The following MYH10 variants were observed in gnomAD, a reference collection of about 807,000 sequenced individuals.
The protein encoded by MYH10 is myosin-10.
MYH10 carries 55 observed loss-of-function variants against 257.8 expected under a neutral mutation model. The ratio of observed to expected loss-of-function variants is 0.21; its 90% CI spans 0.17 to 0.27. The LOEUF (loss-of-function observed/expected upper bound fraction) is 0.27, where lower values mean the gene tolerates loss of function less well. Ranked by LOEUF, MYH10 falls within the 10% of genes least tolerant of loss-of-function variation. The pLI, the probability that MYH10 is intolerant of heterozygous loss-of-function variation, is 1.00. For synonymous variants in MYH10, 854 were observed against 921.7 expected, an observed-to-expected ratio of 0.93 and a Z score of 1.33; for missense variants, 1,631 against 2,500.6, an observed-to-expected ratio of 0.65 and a Z score of 7.42.
rs550083054 is a variant in MYH10 at position 8,559,918 on chromosome 17, G to A, written c.757-5900C>T. On this transcript the variant is annotated intron_variant, in intron 7 of 42. Coordinates refer to ENST00000360416, the MANE Select transcript of MYH10 (RefSeq NM_001256012.3). ...CTATTTTAAGAGACAGTAGTCAAAA[G>A]GCAATGTTATTACCACAGAGCTGCT... 2.0e-5 allele frequency among the ~76,000 whole-genome samples: 3 copies of A among 152,276 alleles called. No homozygotes were observed. In the South Asian group the frequency reaches 6.2e-4, roughly 32 times the overall value.
intron 13 of MYH10, 99 bp from the exon 14 acceptor site, chr17:8,542,379 A>G (rs1316633823): frequency 2.0e-6 from 2 of 1,015,246 alleles, no homozygotes; most frequent in Non-Finnish European, 2.9e-6. Context: ...ATTAAACATT[A>G]CTAATTAGGT....
chr17:8,493,992 G>C lies in MYH10; in HGVS notation c.4057-107C>G, dbSNP rs796638618. On this transcript the variant is annotated intron_variant, in intron 31 of 42. Coordinates refer to ENST00000360416, the MANE Select transcript of MYH10 (RefSeq NM_001256012.3). ...TACAAAAGAGACAGCCTCAATGCAT[G>C]AGAACGCCCAGTGACATTAACAAAC... 2.4e-5 allele frequency: 30 copies of C among 1,268,354 alleles called. 1 individual carries two copies. The African/African-American group carries it at 4.3e-4, about 18-fold the overall frequency. The allele number at this position is 1,268,354 out of a possible 1,614,324, so 78.6% of individuals were successfully genotyped here.
chr17:8,538,354 C>T (rs933247406), intron 14 of MYH10, among the ~76,000 whole-genome samples: 2 of 152,134 alleles, frequency 1.3e-5, no homozygotes, highest in African/African-American at 4.8e-5. Context: ...TACAGACAAC[C>T]GCCACGACGC....
intron 7 of MYH10, among the ~76,000 whole-genome samples, chr17:8,559,317 A>G (rs2082909131): frequency 6.6e-6 from 1 of 152,160 alleles, no homozygotes; most frequent in Non-Finnish European, 1.5e-5. Flanking sequence ...CTGATTTTTC[A>G]ACTATGTTCA....
In MYH10 at chr17:8,552,094, A is replaced by G; in HGVS notation, c.871T>C (p.Phe291Leu). The G allele has an allele frequency of 6.4e-7, 1 of 1,563,634 alleles. No homozygotes were observed. The highest frequency in any genetic ancestry group is 8.7e-7 in the Non-Finnish European group (1 of 1,150,552). Residue 291 changes from phenylalanine (F) to leucine (L), a missense_variant, in exon 9 of 43, where the codon TTT becomes CTT. This residue lies in a region of MYH10 where 360 missense variants were observed against 581.9 expected (regional missense o/e 0.62). Coordinates refer to ENST00000360416, the MANE Select transcript of MYH10 (RefSeq NM_001256012.3). This position sits in a 1 kb window ranked among gnomAD's most constrained non-coding sequence, Gnocchi z 4.8. ...AVRQAKDERT[F>L]HIFYQLLSGA... ...GATAACAACTGGTAAAAGATATGAAAAGTACGTTCATCTTTTGCTTGACGA... is the reference window on the plus strand; with the variant it reads ...GATAACAACTGGTAAAAGATATGAAGAGTACGTTCATCTTTTGCTTGACGA...
chr17:8,533,859 A>G (rs185825103), intron 16 of MYH10, among the ~76,000 whole-genome samples: 12 of 152,202 alleles, frequency 7.9e-5, no homozygotes, highest in East Asian at 5.8e-4. Context: ...ACATGGGGAG[A>G]CTTTGTAACC....
rs2081080844 is a variant in MYH10 at position 8,506,607 on chromosome 17, G to T, written c.3215-118C>A. The stretch of plus-strand genomic sequence containing the variant: ...CCATTTTATTCAAAAGCATGTCACT[G>T]CCCTGATGACATGGTCATGCGCTGA... On this transcript the variant is annotated intron_variant, in intron 26 of 42. Transcript: ENST00000360416. This position sits in a 1 kb window ranked among gnomAD's most constrained non-coding sequence, Gnocchi z 5.0. 1.9e-6 allele frequency: 2 copies of T among 1,052,046 alleles called. No homozygotes were observed. Among genetic ancestry groups the T allele is most frequent in the Non-Finnish European group, 1.4e-6 (1 of 716,338 alleles). 65.2% of individuals were successfully genotyped at this position (1,052,046 alleles called of 1,614,324 possible). A position where few individuals can be genotyped will look rare whatever the true frequency, so the allele number is the denominator to read the frequency against.
At chr17:8,585,282 G>GTATATATATATATATA (rs1312166648) in intron 4 of MYH10, among the ~76,000 whole-genome samples, 1 of 6,758 alleles carries the variant, frequency 1.5e-4, no homozygotes, top group Non-Finnish European at 1.2e-3. Context: ...GTGCATGTGT[G>GTATATATATATATATA]TGTGTGTATA....
intron 2 of MYH10, among the ~76,000 whole-genome samples, chr17:8,609,753 A>AAGAAAAAT (rs1195532615): frequency 4.1e-4 from 63 of 152,278 alleles, no homozygotes; most frequent in African/African-American, 1.4e-3. Flanking sequence ...ATCCTTCTTA[A>AAGAAAAAT]AGAAAAATAG....
rs765325286 is a variant in MYH10, at chr17:8,480,260, T to C, written c.5447A>G (p.Asn1816Ser). 6 of 1,614,074 alleles carry C rather than the reference T, an allele frequency of 3.7e-6. No homozygotes were observed. The highest frequency in any genetic ancestry group is 4.5e-5 in the East Asian group (2 of 44,882). ...AERSAAQKSD[N>S]ARQQLERQNK... ...CTGCCGCTCCAGTTGCTGGCGTGCA[T>C]TGTCACTCTTCTGGGCGGCGCTGCG... is the stretch of plus-strand genomic sequence containing the variant. Residue 1816 changes from asparagine (N) to serine (S), a missense_variant, in exon 40 of 43, where the codon AAT (asparagine) becomes AGT (serine). Physicochemically the swap from Asn to Ser is conservative, Grantham distance 46 (BLOSUM62 1). Coordinates refer to ENST00000360416, the MANE Select transcript of MYH10 (RefSeq NM_001256012.3).
intron 2 of MYH10, among the ~76,000 whole-genome samples, chr17:8,607,519 A>G (rs961361674): frequency 6.6e-6 from 1 of 152,224 alleles, no homozygotes; most frequent in Non-Finnish European, 1.5e-5. Context: ...AATGCTTAAG[A>G]AGGAACATTA....
At chr17:8,597,653 G>A (rs1363449758) in intron 3 of MYH10, among the ~76,000 whole-genome samples, 2 of 138,496 alleles carry the variant, frequency 1.4e-5, no homozygotes, top group Non-Finnish European at 3.0e-5. Flanking sequence ...TCTCACTGTC[G>A]CCTGTGCTAG....
intron 30 of MYH10, among the ~76,000 whole-genome samples, chr17:8,496,629 A>G (rs1405156375): frequency 1.3e-5 from 2 of 152,182 alleles, no homozygotes; most frequent in African/African-American, 4.8e-5. Flanking sequence ...CAGAGTTCAT[A>G]ATGCTGTTTC....
At chr17:8,585,072 G>A (rs62062512) in intron 4 of MYH10, among the ~76,000 whole-genome samples, 6,681 of 151,652 alleles carry the variant, frequency 0.044, 190 homozygotes, top group South Asian at 0.079. Flanking sequence ...CGAACTCCCA[G>A]CCTCAGGTGA....
chr17:8,587,567 C>T lies in MYH10; in HGVS notation c.530+1514G>A, dbSNP rs1246660515. Among the ~76,000 whole-genome samples, 4 of 152,042 alleles carry T rather than the reference C, an allele frequency of 2.6e-5. No individual in the cohort carries two copies. The South Asian group carries it at 6.2e-4, about 24-fold the overall frequency. On this transcript the variant is annotated intron_variant, in intron 4 of 42. Coordinates refer to ENST00000360416, the MANE Select transcript of MYH10 (RefSeq NM_001256012.3). ...TTGGTACTCATCTGCCTCCTTGGCC[C>T]GTCACTGGAGAAGAGTCGCGCCCCC... is the stretch of plus-strand genomic sequence containing the variant.
At chr17:8,613,847 A>G (rs547699422) in intron 2 of MYH10, among the ~76,000 whole-genome samples, 1 of 152,326 alleles carries the variant, frequency 6.6e-6, no homozygotes, top group African/African-American at 2.4e-5. Context: ...AGGCACAGAA[A>G]AGCTGAAAGT....
At chr17:8,582,587 C>T (rs2083749640) in intron 4 of MYH10, among the ~76,000 whole-genome samples, 1 of 152,210 alleles carries the variant, frequency 6.6e-6, no homozygotes, top group South Asian at 2.1e-4. Context: ...AGGTGTCCTG[C>T]ATCTGTTGAA....
In MYH10 at chr17:8,623,223, C is replaced by G. The variant is rs751196957; in HGVS notation, c.24G>C (p.Glu8Asp). MAQRTGL[E>D]DPERYLFVDR... is the part of the protein sequence containing the mutation. Reference sequence around the variant, plus strand: ...CCACAAAGAGATACCTCTCTGGATCCTCGAGTCCAGTTCTCTGCGCCATTG... The same window carrying G: ...CCACAAAGAGATACCTCTCTGGATCGTCGAGTCCAGTTCTCTGCGCCATTG... Residue 8 changes from glutamate (E) to aspartate (D), a missense_variant, in exon 2 of 43, where the codon GAG (glutamate) becomes GAC (aspartate). Glu to Asp is a conservative substitution (Grantham distance 45, BLOSUM62 2). Around this residue, in one of 11 missense-constraint regions of MYH10, gnomAD observed 360 missense variants for 581.9 expected, o/e 0.62. Transcript: ENST00000360416. 7 of 1,596,946 alleles carry G rather than the reference C, an allele frequency of 4.4e-6. No individual in the cohort carries two copies. In the Admixed American group the frequency reaches 7.2e-5, roughly 17 times the overall value.
chr17:8,508,768 A>C, intron 25 of MYH10, 91 bp from the exon 26 acceptor site: 1 of 1,512,176 alleles, frequency 6.6e-7, no homozygotes, highest in South Asian at 1.2e-5. Context: ...TTGACTCGAG[A>C]GAAAATAAGT....
Sources: gnomAD v4.1 joint callset for allele counts (sites outside exome capture counted in the v4.1 genomes callset) on GRCh38, gnomAD v4.1.1 for gene constraint, gnomAD v4.1.1 regional missense constraint, Gnocchi (gnomAD v3.1) non-coding constraint, MANE v1.5 for transcripts, NCBI Gene and HGNC (gene_info 2026-07-23, HGNC 2026-07-21) for gene names.